Variants in GRIN3A observed in about 807,000 individuals in gnomAD.
GRIN3A encodes the protein glutamate ionotropic receptor NMDA type subunit 3A.
Under a neutral mutation model 92.4 loss-of-function variants are expected in GRIN3A, and 47 were observed. That is an observed-to-expected ratio of 0.51 (90% confidence interval 0.40 to 0.65). The LOEUF (loss-of-function observed/expected upper bound fraction) is 0.65, where lower values mean the gene tolerates loss of function less well. Among genes scored for constraint, GRIN3A ranks in the 30% least tolerant of loss-of-function variants. The probability of loss-of-function intolerance (pLI) is 0.00; values close to 1 mark genes in which losing one functional copy is unlikely to be tolerated. For missense variants in GRIN3A, 1,324 were observed against 1,393.1 expected (o/e 0.95, Z 0.79); for synonymous variants, 527 against 540.6 (o/e 0.97, Z 0.35).
At chr9:101,692,600 A>G (rs1829633563) in intron 1 of GRIN3A, among the ~76,000 whole-genome samples, 1 of 152,214 alleles carries the variant, frequency 6.6e-6, no homozygotes, top group African/African-American at 2.4e-5. Context: ...AAAAAGCTCA[A>G]GTGAACATAA....
At chr9:101,716,102 C>G (rs980744751) in intron 1 of GRIN3A, among the ~76,000 whole-genome samples, 2 of 148,546 alleles carry the variant, frequency 1.3e-5, no homozygotes, top group Non-Finnish European at 3.0e-5. Context: ...AATTTGGAAA[C>G]ACTAAAGAGT....
At chr9:101,601,669 C>T in intron 6 of GRIN3A, among the ~76,000 whole-genome samples, 1 of 152,176 alleles carries the variant, frequency 6.6e-6, no homozygotes, top group East Asian at 1.9e-4. Context: ...CTCTTCCTAG[C>T]TCCTGGTGGT....
At chr9:101,594,554 T>A (rs1564121470) in intron 6 of GRIN3A, 3 of 1,614,164 alleles carry the variant, frequency 1.9e-6, no homozygotes, top group Non-Finnish European at 2.5e-6. Flanking sequence ...GTCCGTCAGG[T>A]TGTTGCCCAC....
At chr9:101,680,414 T>C (rs1008742040) in intron 2 of GRIN3A, among the ~76,000 whole-genome samples, 7 of 152,182 alleles carry the variant, frequency 4.6e-5, no homozygotes, top group Admixed American at 4.6e-4. Context: ...GAATCAATAA[T>C]GAAAACATTT....
intron 2 of GRIN3A, among the ~76,000 whole-genome samples, chr9:101,684,853 G>T (rs1829511261): frequency 6.6e-6 from 1 of 152,154 alleles, no homozygotes; most frequent in African/African-American, 2.4e-5. Flanking sequence ...TGCTGTTTAT[G>T]ACTGTCCTTC....
At chr9:101,705,349 A>AC (rs1829802337) in intron 1 of GRIN3A, among the ~76,000 whole-genome samples, 1 of 152,054 alleles carries the variant, frequency 6.6e-6, no homozygotes, top group South Asian at 2.1e-4. Context: ...AACCAAGCCG[A>AC]CCGCCAAGAA....
At chr9:101,715,200 T>TAAAAAAAAAAAAAAAAA (rs5899459) in intron 1 of GRIN3A, among the ~76,000 whole-genome samples, 4 of 127,692 alleles carry the variant, frequency 3.1e-5, no homozygotes, top group Non-Finnish European at 3.2e-5. Flanking sequence ...ACAAAAATGG[T>TAAAAAAAAAAAAAAAAA]AAAAAAAAAA....
chr9:101,639,868 C>CA (rs1828833420), intron 3 of GRIN3A, among the ~76,000 whole-genome samples: 1 of 152,146 alleles, frequency 6.6e-6, no homozygotes, highest in African/African-American at 2.4e-5. Flanking sequence ...ATCAGACAAA[C>CA]AGAAAGATAA....
At chr9:101,665,672 A>C (rs1280303195) in intron 3 of GRIN3A, among the ~76,000 whole-genome samples, 2 of 151,984 alleles carry the variant, frequency 1.3e-5, no homozygotes, top group African/African-American at 4.8e-5. Flanking sequence ...CTTACGGCAG[A>C]AAAACAAATG....
At position 101,594,998 on chromosome 9, in the gene GRIN3A, G is replaced by A. The variant is rs1828099690; in HGVS notation, c.2767-15638C>T. 4.6e-6 allele frequency: 7 copies of A among 1,525,964 alleles called. No homozygotes were observed. The Admixed American group carries it at 9.4e-5, about 21-fold the overall frequency. 94.5% of individuals were successfully genotyped at this position (1,525,964 alleles called of 1,614,324 possible). ...GGCGGTGAGCTCGGGCGGGGCTCGT[G>A]CCCGGACGGTTGGGCCATGGGGTGG... On this transcript the variant is annotated intron_variant, in intron 6 of 8. Transcript: ENST00000361820.
chr9:101,705,019 G>C (rs181066733), intron 1 of GRIN3A, among the ~76,000 whole-genome samples: 53 of 150,660 alleles, frequency 3.5e-4, no homozygotes, highest in African/African-American at 1.2e-3. Flanking sequence ...GATAAGGAAG[G>C]GGGGGCAGGG....
In GRIN3A at chr9:101,570,348, G is replaced by A. The variant is rs376030234; in HGVS notation, c.*2826C>T. ...TGTGTTTTTTTTGAGCCTCAAAGGA[G>A]TTGAAAGAACAGAGGCAGAGCTGAA... On this transcript the variant is annotated 3_prime_UTR_variant, in exon 9 of 9. Coordinates refer to ENST00000361820, the MANE Select transcript of GRIN3A (RefSeq NM_133445.3). 4.8e-4 allele frequency: 74 copies of A among 152,622 alleles called. No individual in the cohort carries two copies. The highest frequency in any genetic ancestry group is 1.6e-3 in the African/African-American group (66 of 41,526). 9.5% of individuals were successfully genotyped at this position (152,622 alleles called of 1,614,324 possible).
chr9:101,587,856 C>T (rs1311976905), intron 6 of GRIN3A, among the ~76,000 whole-genome samples: 1 of 152,162 alleles, frequency 6.6e-6, no homozygotes, highest in East Asian at 1.9e-4. Context: ...CTCATAGATG[C>T]TTGGAAGCAG....
chr9:101,584,944 C>A (rs1297627054), intron 6 of GRIN3A, among the ~76,000 whole-genome samples: 1 of 152,216 alleles, frequency 6.6e-6, no homozygotes, highest in Non-Finnish European at 1.5e-5. Flanking sequence ...TAATCAAGAT[C>A]TATGCAGCTA....
chr9:101,607,518 G>A (rs1025249309), intron 6 of GRIN3A, among the ~76,000 whole-genome samples: 3 of 152,286 alleles, frequency 2.0e-5, no homozygotes, highest in Admixed American at 6.5e-5. Flanking sequence ...TATATACCCG[G>A]TTCTTCCACA....
chr9:101,719,328 A>T (rs1275878855), intron 1 of GRIN3A, among the ~76,000 whole-genome samples: 1 of 151,632 alleles, frequency 6.6e-6, no homozygotes. Flanking sequence ...CTGAGAGAGG[A>T]GAATCGTTTG....
At chr9:101,576,575 A>T (rs761350113) in intron 8 of GRIN3A, among the ~76,000 whole-genome samples, 1 of 152,048 alleles carries the variant, frequency 6.6e-6, no homozygotes, top group Admixed American at 6.5e-5. Context: ...GAAAACAAAT[A>T]TTTTTTCATT....
intron 1 of GRIN3A, among the ~76,000 whole-genome samples, chr9:101,705,211 C>T (rs1408870806): frequency 1.3e-5 from 2 of 151,988 alleles, no homozygotes; most frequent in African/African-American, 2.4e-5. Context: ...GAGACCTTAG[C>T]GGGCACACAC....
intron 2 of GRIN3A, among the ~76,000 whole-genome samples, chr9:101,676,319 CT>C (rs1354741151): frequency 6.6e-6 from 1 of 151,674 alleles, no homozygotes; most frequent in Non-Finnish European, 1.5e-5. Context: ...CTTTTTCCCC[CT>C]ATTTATTGCC....
Sources: gnomAD v4.1 joint callset for allele counts (sites outside exome capture counted in the v4.1 genomes callset) on GRCh38, gnomAD v4.1.1 for gene constraint, MANE v1.5 for transcripts, NCBI Gene and HGNC (gene_info 2026-07-23, HGNC 2026-07-21) for gene names.